Variants in ARSF observed in about 807,000 individuals in gnomAD.
ARSF encodes the protein arylsulfatase F.
Under a neutral mutation model 35.4 loss-of-function variants are expected in ARSF, and 33 were observed. The observed-to-expected ratio is 0.93, with a 90% CI of 0.71 to 1.25. The LOEUF (loss-of-function observed/expected upper bound fraction) is 1.25. Among genes scored for constraint, ARSF ranks in the 50% most tolerant of loss-of-function variants. The probability of loss-of-function intolerance (pLI) is 0.00; values close to 1 mark genes in which losing one functional copy is unlikely to be tolerated. For missense variants in ARSF, 501 were observed against 480.2 expected, an observed-to-expected ratio of 1.04 and a Z score of -0.40; for synonymous variants, 222 against 193.1, an observed-to-expected ratio of 1.15 and a Z score of -1.24.
intron 1 of ARSF, among the ~76,000 whole-genome samples, chrX:3,059,371 G>A (rs777403493): frequency 3.6e-5 from 4 of 111,591 alleles, no homozygotes; most frequent in South Asian, 7.5e-4. Flanking sequence ...AGCTCCCAGC[G>A]TGATCAACAC....
At position 3,110,168 on chromosome X, in the gene ARSF, A is replaced by C. The variant is rs1282087281; in HGVS notation, c.1306A>C (p.Asn436His). The change falls in exon 10 of 11, where the codon AAC becomes CAC. Residue 436 changes from asparagine to histidine, a missense_variant. Transcript: ENST00000381127. The part of the protein sequence containing the change: ...GRDLMPLLQG[N>H]VRHSEHEFLF... ...AGACCTCATGCCCTTGCTGCAGGGC[A>C]ACGTCAGGCACTCGGAGCATGAATT... 3 of 1,202,407 alleles carry C rather than the reference A, an allele frequency of 2.5e-6. No homozygotes were observed. Among genetic ancestry groups the C allele is most frequent in the Non-Finnish European group, 3.4e-6 (3 of 890,916 alleles).
chrX:3,105,643 C>T (rs1227816623), intron 9 of ARSF, among the ~76,000 whole-genome samples: 2 of 110,444 alleles, frequency 1.8e-5, no homozygotes, highest in African/African-American at 6.6e-5. Flanking sequence ...TTTTGTATGT[C>T]TTGTAGAGAT....
At chrX:3,057,615 G>A (rs750805594) in intron 1 of ARSF, among the ~76,000 whole-genome samples, 1 of 111,920 alleles carries the variant, frequency 8.9e-6, no homozygotes, top group Non-Finnish European at 1.9e-5. Context: ...TAGACGTGTC[G>A]ATGATAAACA....
In ARSF at chrX:3,084,223, G is replaced by A; in HGVS notation, c.407-20G>A. The A allele has an allele frequency of 8.3e-7, 1 of 1,206,790 alleles. No individual in the cohort carries two copies. Among genetic ancestry groups the A allele is most frequent in the Non-Finnish European group, 1.1e-6 (1 of 891,719 alleles). On this transcript the variant is annotated intron_variant, in intron 5 of 10. Transcript: ENST00000381127. ...TGTTGACATATTGATGCGTAGATGT[G>A]TTTGTGTGTTTGGTTTTAGGCAAAT... is the stretch of plus-strand genomic sequence containing the variant.
chrX:3,082,153 A>G (rs1448947571), intron 5 of ARSF, among the ~76,000 whole-genome samples: 1 of 111,402 alleles, frequency 9.0e-6, no homozygotes, highest in Admixed American at 9.6e-5. Flanking sequence ...ACATGCTAGC[A>G]GGACTCACAG....
chrX:3,072,290 G>A (rs1277287210), intron 3 of ARSF, 115 bp downstream of exon 3: 26 of 773,444 alleles, frequency 3.4e-5, no homozygotes, highest in Non-Finnish European at 4.0e-5. Context: ...TTTTTTTTAA[G>A]TTACTTTAAA....
At chrX:3,077,657 C>T (rs1180225727) in intron 4 of ARSF, among the ~76,000 whole-genome samples, 1 of 109,263 alleles carries the variant, frequency 9.2e-6, no homozygotes, top group East Asian at 2.9e-4. Context: ...CAAACAGCAA[C>T]AACAACCAAA....
At chrX:3,071,802 C>T (rs2090106266) in intron 2 of ARSF, among the ~76,000 whole-genome samples, 1 of 111,625 alleles carries the variant, frequency 9.0e-6, no homozygotes, top group Non-Finnish European at 1.9e-5. Context: ...TTGTTTTAGC[C>T]TTTATTTTAT....
At chrX:3,062,962 A>G (rs377114212) in intron 1 of ARSF, among the ~76,000 whole-genome samples, 1 of 111,735 alleles carries the variant, frequency 8.9e-6, no homozygotes, top group African/African-American at 3.3e-5. Flanking sequence ...TATGAGGCCA[A>G]CATCATCCTG....
rs111627777 is a variant in ARSF at position 3,065,857 on chromosome X, G to A, written c.-28-2216G>A. Among the ~76,000 whole-genome samples the A allele has an allele frequency of 1.6e-3, 174 of 110,589 alleles. 1 individual carries two copies. The highest frequency in any genetic ancestry group is 5.0e-3 in the African/African-American group (152 of 30,416). ...CTCTCGCCTATAATCCCAGCACTTT[G>A]GGAGGCCGAGATGGGAGGATTGCTT... On this transcript the variant is annotated intron_variant, in intron 1 of 10. Coordinates refer to ENST00000381127, the MANE Select transcript of ARSF (RefSeq NM_001201539.2).
chrX:3,043,494 A>G (rs1603463865), intron 1 of ARSF, among the ~76,000 whole-genome samples: 1 of 111,857 alleles, frequency 8.9e-6, no homozygotes, highest in South Asian at 3.8e-4. Flanking sequence ...TGAAATTGCA[A>G]GAAGTTTTTT....
At chrX:3,081,158 C>T in intron 5 of ARSF, 145 bp downstream of exon 5, 1 of 808,442 alleles carries the variant, frequency 1.2e-6, no homozygotes, top group Non-Finnish European at 1.7e-6. Context: ...AATCCCAGTA[C>T]TTTGGGAGGC....
chrX:3,089,488 C>T lies in ARSF; in HGVS notation c.831-8C>T, dbSNP rs2090272867. 1.7e-6 allele frequency: 2 copies of T among 1,208,615 alleles called. No individual in the cohort carries two copies. The highest frequency in any genetic ancestry group is 2.2e-5 in the Admixed American group (1 of 45,679). On this transcript the variant is annotated splice_region_variant and splice_polypyrimidine_tract_variant and intron_variant, in intron 6 of 10. Transcript: ENST00000381127. ...AACTCACAAGTAGTTTCATTGATGT[C>T]TTCTCAGGCACAGTAAGGAAACTTT...
intron 5 of ARSF, among the ~76,000 whole-genome samples, chrX:3,082,841 A>T (rs2090212378): frequency 9.0e-6 from 1 of 111,443 alleles, no homozygotes; most frequent in African/African-American, 3.3e-5. Flanking sequence ...CACAACACAG[A>T]TCTATTCATG....
At chrX:3,078,973 T>G (rs1481110575) in intron 4 of ARSF, among the ~76,000 whole-genome samples, 7 of 110,489 alleles carry the variant, frequency 6.3e-5, no homozygotes, top group African/African-American at 2.0e-4. Flanking sequence ...TCACCAAGAA[T>G]CCACTTTCCG....
intron 7 of ARSF, among the ~76,000 whole-genome samples, chrX:3,096,185 A>C (rs1023707416): frequency 8.2e-5 from 9 of 109,822 alleles, no homozygotes; most frequent in African/African-American, 2.6e-4. Flanking sequence ...ATATATATGA[A>C]GTCTACAGTG....
intron 6 of ARSF, among the ~76,000 whole-genome samples, chrX:3,089,280 G>A (rs2090271152): frequency 9.0e-6 from 1 of 111,166 alleles, no homozygotes; most frequent in Non-Finnish European, 1.9e-5. Flanking sequence ...TATAGAGATG[G>A]TTTCAGTAGC....
At chrX:3,106,672 A>T (rs1433279268) in intron 9 of ARSF, among the ~76,000 whole-genome samples, 2 of 112,551 alleles carry the variant, frequency 1.8e-5, no homozygotes, top group African/African-American at 6.5e-5. Flanking sequence ...ATCACACAAA[A>T]CAGATAAAGC....
chrX:3,081,156 T>TA, intron 5 of ARSF, 143 bp downstream of exon 5: 2 of 845,622 alleles, frequency 2.4e-6, no homozygotes, highest in Non-Finnish European at 3.2e-6. Flanking sequence ...ACAATCCCAG[T>TA]ACTTTGGGAG....
Sources: gnomAD v4.1 joint callset for allele counts (sites outside exome capture counted in the v4.1 genomes callset) on GRCh38, gnomAD v4.1.1 for gene constraint, MANE v1.5 for transcripts, NCBI Gene and HGNC (gene_info 2026-07-23, HGNC 2026-07-21) for gene names.